SMYD3: variants seen among roughly 807,000 people sequenced by gnomAD.
SMYD3 encodes histone-lysine N-methyltransferase SMYD3.
A neutral mutation model predicts 57.7 loss-of-function variants in SMYD3; 36 were observed. The ratio of observed to expected loss-of-function variants is 0.62; its 90% confidence interval spans 0.48 to 0.82. The LOEUF is 0.82. Ranked by LOEUF, SMYD3 falls within the 40% of genes least tolerant of loss-of-function variation. The probability of loss-of-function intolerance (pLI) is 0.00; values close to 1 mark genes in which losing one functional copy is unlikely to be tolerated. For synonymous variants in SMYD3, 211 were observed against 195.0 expected, an observed-to-expected ratio of 1.08 and a Z score of -0.68; for missense variants, 515 against 538.8, an observed-to-expected ratio of 0.96 and a Z score of 0.44.
At chr1:246,497,743 G>A (rs562392633) in intron 1 of SMYD3, among the ~76,000 whole-genome samples, 39 of 152,086 alleles carry the variant, frequency 2.6e-4, no homozygotes, top group Non-Finnish European at 5.1e-4. Context: ...TGTGGTCTCA[G>A]CTGCTCAGAA....
intron 8 of SMYD3, among the ~76,000 whole-genome samples, chr1:245,871,854 A>G (rs1183246760): frequency 6.6e-6 from 1 of 152,230 alleles, no homozygotes; most frequent in African/African-American, 2.4e-5. Flanking sequence ...GGGGACCAAC[A>G]GGAGGCTGAC....
intron 5 of SMYD3, among the ~76,000 whole-genome samples, chr1:246,141,198 T>C (rs10924514): frequency 0.17 from 25,936 of 151,988 alleles, 2,919 homozygotes; most frequent in African/African-American, 0.28. Context: ...AAGGGAGCAG[T>C]CACTTGAACC....
chr1:246,111,060 T>C (rs2061229407), intron 5 of SMYD3, among the ~76,000 whole-genome samples: 1 of 152,104 alleles, frequency 6.6e-6, no homozygotes, highest in Non-Finnish European at 1.5e-5. Context: ...AGGTGAGCCT[T>C]ACCAAGGACC....
At chr1:246,465,807 T>G (rs2067873648) in intron 1 of SMYD3, among the ~76,000 whole-genome samples, 1 of 152,252 alleles carries the variant, frequency 6.6e-6, no homozygotes, top group African/African-American at 2.4e-5. Flanking sequence ...GAGTCTCACT[T>G]TGTTGCCCAA....
chr1:246,440,959 T>C (rs1349580223), intron 1 of SMYD3, among the ~76,000 whole-genome samples: 1 of 152,168 alleles, frequency 6.6e-6, no homozygotes, highest in Non-Finnish European at 1.5e-5. Context: ...TGCCTACTGC[T>C]TGGTTGAAGG....
At chr1:246,233,439 C>T (rs1312191756) in intron 5 of SMYD3, among the ~76,000 whole-genome samples, 2 of 133,808 alleles carry the variant, frequency 1.5e-5, no homozygotes, top group South Asian at 3.0e-4. Context: ...AGGAGAAGCA[C>T]TCCTTCAATC....
chr1:245,873,467 T>C (rs909556450), intron 8 of SMYD3, among the ~76,000 whole-genome samples: 6 of 152,210 alleles, frequency 3.9e-5, no homozygotes, highest in African/African-American at 1.4e-4. Context: ...GCAAAGATTT[T>C]ACAGGAAAAT....
At position 246,330,513 on chromosome 1, in the gene SMYD3, C is replaced by G; in HGVS notation, c.361G>C (p.Glu121Gln). 1 of 1,595,678 alleles carries G rather than the reference C, an allele frequency of 6.3e-7. No homozygotes were observed. Among genetic ancestry groups the G allele is most frequent in the Non-Finnish European group, 8.5e-7 (1 of 1,172,244 alleles). The change falls in exon 4 of 12, where the codon GAG (glutamate) becomes CAG (glutamine). Residue 121 changes from glutamate (E) to glutamine (Q), a missense_variant. Glu to Gln is a conservative substitution (Grantham distance 29, BLOSUM62 2). Coordinates refer to ENST00000490107, the MANE Select transcript of SMYD3 (RefSeq NM_001167740.2). ...KLMDGAPSES[E>Q]KLYSFYDLES... ...AGATCATAAAATGAGTAAAGCTTCT[C>G]TGATTCTGAAGGTGCTCCATCCATC... is the stretch of plus-strand genomic sequence containing the variant.
intron 10 of SMYD3, among the ~76,000 whole-genome samples, chr1:245,851,728 T>G (rs1421243195): frequency 6.6e-6 from 1 of 152,168 alleles, no homozygotes; most frequent in Non-Finnish European, 1.5e-5. Flanking sequence ...GGACTATATC[T>G]AGCACTCTTG....
At chr1:246,493,791 A>C (rs961573630) in intron 1 of SMYD3, among the ~76,000 whole-genome samples, 9 of 146,668 alleles carry the variant, frequency 6.1e-5, no homozygotes, top group Non-Finnish European at 4.5e-5. Context: ...CACTATTCCA[A>C]TAGTTCCAGC....
At chr1:246,294,957 T>G (rs1427339265) in intron 5 of SMYD3, among the ~76,000 whole-genome samples, 1 of 152,202 alleles carries the variant, frequency 6.6e-6, no homozygotes, top group Non-Finnish European at 1.5e-5. Flanking sequence ...ATATATCTAT[T>G]TTACAGGGTT....
At chr1:246,435,663 A>G (rs1317162395) in intron 1 of SMYD3, among the ~76,000 whole-genome samples, 1 of 151,914 alleles carries the variant, frequency 6.6e-6, no homozygotes, top group African/African-American at 2.4e-5. Context: ...AGGAAGGGGG[A>G]ATAAGGGAAG....
intron 5 of SMYD3, among the ~76,000 whole-genome samples, chr1:245,944,301 T>TA (rs568061741): frequency 3.4e-4 from 51 of 149,490 alleles, no homozygotes; most frequent in African/African-American, 5.6e-4. Context: ...CTCTCGGGAT[T>TA]AAAAAAAAAA....
At chr1:245,865,145 A>G (rs1572543467) in intron 8 of SMYD3, among the ~76,000 whole-genome samples, 1 of 152,148 alleles carries the variant, frequency 6.6e-6, no homozygotes, top group African/African-American at 2.4e-5. Flanking sequence ...ATTTACTGAT[A>G]TTGATATTTA....
At chr1:246,461,965 A>C (rs553768075) in intron 1 of SMYD3, among the ~76,000 whole-genome samples, 41 of 151,888 alleles carry the variant, frequency 2.7e-4, no homozygotes, top group African/African-American at 9.9e-4. Context: ...CGTATAAACC[A>C]AATGTAATTT....
chr1:245,836,934 C>A (rs1294022458), intron 10 of SMYD3, among the ~76,000 whole-genome samples: 2 of 152,158 alleles, frequency 1.3e-5, no homozygotes, highest in African/African-American at 4.8e-5. Flanking sequence ...GCCTATTGTC[C>A]ATTTCAACAG....
intron 1 of SMYD3, among the ~76,000 whole-genome samples, chr1:246,438,625 C>T (rs1293362386): frequency 6.6e-6 from 1 of 152,128 alleles, no homozygotes; most frequent in East Asian, 1.9e-4. Flanking sequence ...TGCATATCCT[C>T]TTGTATACTT....
At chr1:246,183,688 A>G (rs2062589294) in intron 5 of SMYD3, among the ~76,000 whole-genome samples, 1 of 152,222 alleles carries the variant, frequency 6.6e-6, no homozygotes, top group South Asian at 2.1e-4. Flanking sequence ...GTAGTAGCTC[A>G]AAAGATTATG....
intron 5 of SMYD3, among the ~76,000 whole-genome samples, chr1:246,005,234 T>C (rs1389179996): frequency 4.6e-5 from 7 of 152,238 alleles, no homozygotes; most frequent in Non-Finnish European, 4.4e-5. Flanking sequence ...CTGCCTATCT[T>C]ACTGCCATTG....
Sources: allele counts gnomAD v4.1 joint callset (sites outside exome capture counted in the v4.1 genomes callset), GRCh38; gene constraint gnomAD v4.1.1; transcripts MANE v1.5; gene names NCBI Gene and HGNC (gene_info 2026-07-23, HGNC 2026-07-21).